The following CWC25 variants were observed in gnomAD, a reference collection of about 807,000 sequenced individuals.
CWC25 encodes CWC25 spliceosome associated protein.
A neutral mutation model predicts 54.6 loss-of-function variants in CWC25; 31 were observed. That is an observed-to-expected ratio of 0.57 (90% CI 0.43 to 0.77). The LOEUF is 0.77. Among genes scored for constraint, CWC25 ranks in the 30% least tolerant of loss-of-function variants. CWC25 has a pLI of 0.00. For missense variants in CWC25, 453 were observed against 529.3 expected (o/e 0.86, Z 1.41); for synonymous variants, 151 against 187.0 (o/e 0.81, Z 1.57).
chr17:38,812,596 C>T (rs920081464), intron 4 of CWC25, among the ~76,000 whole-genome samples, 199 bp downstream of exon 4: 6 of 151,918 alleles, frequency 3.9e-5, no homozygotes, highest in African/African-American at 1.5e-4. Context: ...CATTGCACTC[C>T]AGCCTGGGCA....
chr17:38,823,139 G>C (rs1911994776), intron 1 of CWC25, among the ~76,000 whole-genome samples: 1 of 148,046 alleles, frequency 6.8e-6, no homozygotes, highest in African/African-American at 2.5e-5. Context: ...CACCCAGCCT[G>C]ACTCCAACTT....
chr17:38,809,426 C>CAAA (rs763244461), intron 6 of CWC25, among the ~76,000 whole-genome samples: 16 of 129,862 alleles, frequency 1.2e-4, no homozygotes, highest in African/African-American at 4.0e-4. Context: ...GACTCCGTCT[C>CAAA]AAAAAAAAAA....
intron 4 of CWC25, among the ~76,000 whole-genome samples, chr17:38,811,924 G>A (rs1049069501): frequency 6.6e-5 from 10 of 151,836 alleles, no homozygotes; most frequent in African/African-American, 1.5e-4. Context: ...TGAATGGTAA[G>A]TGGGCCCTAG....
At chr17:38,818,942 C>G (rs1911813751) in intron 2 of CWC25, among the ~76,000 whole-genome samples, 1 of 152,056 alleles carries the variant, frequency 6.6e-6, no homozygotes, top group Non-Finnish European at 1.5e-5. Context: ...ATAAAAATGT[C>G]AAAACAATTT....
intron 1 of CWC25, among the ~76,000 whole-genome samples, chr17:38,822,850 A>T (rs1293203368): frequency 7.2e-6 from 1 of 139,514 alleles, no homozygotes; most frequent in Non-Finnish European, 1.5e-5. Flanking sequence ...CGCCTGGCCA[A>T]TTTTTTTTTT....
Position 38,810,513 on chromosome 17 carries a change from G to A in CWC25, c.581C>T (p.Ser194Leu), listed in dbSNP as rs776630671. 6.2e-6 allele frequency: 10 copies of A among 1,606,356 alleles called. No individual in the cohort carries two copies. The highest frequency in any genetic ancestry group is 4.0e-5 in the African/African-American group (3 of 74,806). Reference sequence around the variant, plus strand: ...CTCGCTGCTGGAACGATCACTACTCGAGCTTCTGTGCTTATGTTTCTTGTG... The same window carrying A: ...CTCGCTGCTGGAACGATCACTACTCAAGCTTCTGTGCTTATGTTTCTTGTG... ...KKHKKHKHRS[S>L]SSDRSSSEDE... Residue 194 changes from serine (S) to leucine (L), a missense_variant, in exon 5 of 10, where the codon TCG becomes TTG. Ser to Leu is a moderately radical substitution (Grantham distance 145). Coordinates refer to ENST00000614790, the MANE Select transcript of CWC25 (RefSeq NM_017748.5).
chr17:38,809,539 T>C (rs534519853), intron 6 of CWC25, among the ~76,000 whole-genome samples, 163 bp downstream of exon 6: 37 of 152,150 alleles, frequency 2.4e-4, no homozygotes, highest in Non-Finnish European at 4.4e-4. Flanking sequence ...GTTTAGTCTC[T>C]CTGCTCAGAG....
chr17:38,807,100 A>T, intron 6 of CWC25, 124 bp from the exon 7 acceptor site: 1 of 654,344 alleles, frequency 1.5e-6, no homozygotes, highest in South Asian at 2.0e-5. Flanking sequence ...GGCGGGGGGG[A>T]TCACCTGAGG....
At chr17:38,806,492 G>A in intron 7 of CWC25, 97 bp from the exon 8 acceptor site, 1 of 1,091,506 alleles carries the variant, frequency 9.2e-7, no homozygotes, top group African/African-American at 1.6e-5. Flanking sequence ...AATGGTCTTA[G>A]AGGTATAATC....
At chr17:38,824,416 G>A (rs1038873524) in intron 1 of CWC25, among the ~76,000 whole-genome samples, 2 of 152,154 alleles carry the variant, frequency 1.3e-5, no homozygotes, top group African/African-American at 4.8e-5. Context: ...GCCGGGCGCT[G>A]TGGCTAACCC....
intron 6 of CWC25, among the ~76,000 whole-genome samples, chr17:38,809,350 C>A (rs1440335976): frequency 2.0e-5 from 3 of 151,504 alleles, no homozygotes; most frequent in African/African-American, 7.3e-5. Flanking sequence ...ATAGCTTGAA[C>A]CCGGAAGGCA....
At chr17:38,818,004 G>A (rs553022116) in intron 2 of CWC25, among the ~76,000 whole-genome samples, 3 of 150,522 alleles carry the variant, frequency 2.0e-5, no homozygotes, top group African/African-American at 7.3e-5. Context: ...TAGGCCGGGT[G>A]CAGTGGCTCA....
chr17:38,814,114 G>A (rs1306954415), intron 3 of CWC25, among the ~76,000 whole-genome samples: 2 of 151,964 alleles, frequency 1.3e-5, no homozygotes, highest in African/African-American at 4.8e-5. Flanking sequence ...GCCCGCCTCG[G>A]CCTCCTGAAG....
intron 7 of CWC25, 86 bp downstream of exon 7, chr17:38,806,679 C>T (rs374133067): frequency 1.9e-5 from 22 of 1,188,620 alleles, no homozygotes; most frequent in East Asian, 9.9e-5. Flanking sequence ...AGTCAATGGA[C>T]GGACATCACC....
At chr17:38,806,592 T>A in intron 7 of CWC25, 173 bp downstream of exon 7, 1 of 741,594 alleles carries the variant, frequency 1.3e-6, no homozygotes, top group Non-Finnish European at 2.2e-6. Context: ...ATATGTGGCT[T>A]TGGATGCCTG....
Position 38,802,853 on chromosome 17 carries a change from G to C in CWC25, c.1010C>G (p.Ser337Cys), listed in dbSNP as rs1440804995. The change falls in exon 9 of 10, where the codon TCT becomes TGT. Residue 337 changes from serine to cysteine, a missense_variant. Coordinates refer to ENST00000614790, the MANE Select transcript of CWC25 (RefSeq NM_017748.5). ...RHAPGYTRKLSAEELERKRQE... is the reference protein window; with the variant it reads ...RHAPGYTRKLCAEELERKRQE... ...CCGTTTTCGCTCTAATTCCTCTGCA[G>C]AGAGTTTTCTGTTGAGCACAGAAAC... The C allele has an allele frequency of 6.2e-7, 1 of 1,613,850 alleles. No individual in the cohort carries two copies.
At chr17:38,810,031 G>A (rs764974209) in intron 5 of CWC25, among the ~76,000 whole-genome samples, 10 of 151,986 alleles carry the variant, frequency 6.6e-5, no homozygotes. Flanking sequence ...CTATTCCAGG[G>A]ACAAATAGTG....
chr17:38,806,618 TG>T, intron 7 of CWC25, 146 bp downstream of exon 7: 1 of 818,912 alleles, frequency 1.2e-6, no homozygotes, highest in South Asian at 1.9e-5. Flanking sequence ...TACATTGAGG[TG>T]GAAAAAAAAA....
rs1449234607 is a variant in CWC25, at chr17:38,816,680, C to T, written c.192-1583G>A. Among the ~76,000 whole-genome samples, 3 of 147,660 alleles carry T rather than the reference C, an allele frequency of 2.0e-5. No homozygotes were observed. The East Asian group carries it at 5.8e-4, about 29-fold the overall frequency. On this transcript the variant is annotated intron_variant, in intron 2 of 9. Transcript: ENST00000614790. ...AATAATTTAAACCAACACTGCAGGG[C>T]CATGACCCTTTTTTTTTTCCCCCAG...
Sources: gnomAD v4.1 joint callset for allele counts (sites outside exome capture counted in the v4.1 genomes callset) on GRCh38, gnomAD v4.1.1 for gene constraint, MANE v1.5 for transcripts, NCBI Gene and HGNC (gene_info 2026-07-23, HGNC 2026-07-21) for gene names.